Variants in MYO6 observed in about 807,000 individuals in gnomAD.
MYO6 encodes unconventional myosin-VI.
MYO6 carries 74 observed loss-of-function variants against 178.7 expected under a neutral mutation model. The observed-to-expected ratio is 0.41, with a 90% CI of 0.34 to 0.50. The LOEUF (loss-of-function observed/expected upper bound fraction) is 0.50. Among genes scored for constraint, MYO6 ranks in the 20% least tolerant of loss-of-function variants. MYO6 has a pLI of 0.09. For missense variants in MYO6, 1,330 were observed against 1,547.4 expected (o/e 0.86, Z 2.36); for synonymous variants, 477 against 504.6 (o/e 0.95, Z 0.73).
At position 75,892,518 on chromosome 6, in the gene MYO6, T is replaced by C. The variant is rs890276708; in HGVS notation, c.2947-12T>C. ...AAGAACTCTTGGTGAAATAGCTTTCTGCCCTTGTCAGGCTGAAGTGGAGGC... is the reference window on the plus strand; with the variant it reads ...AAGAACTCTTGGTGAAATAGCTTTCCGCCCTTGTCAGGCTGAAGTGGAGGC... On this transcript the variant is annotated splice_polypyrimidine_tract_variant and intron_variant, in intron 27 of 34. Transcript: ENST00000369977. 25 of 1,614,034 alleles carry C rather than the reference T, an allele frequency of 1.5e-5. No individual in the cohort carries two copies. The highest frequency in any genetic ancestry group is 2.1e-5 in the Non-Finnish European group (25 of 1,180,020).
intron 1 of MYO6, among the ~76,000 whole-genome samples, chr6:75,799,361 C>T (rs1446414105): frequency 1.3e-5 from 2 of 149,740 alleles, no homozygotes; most frequent in East Asian, 2.0e-4. Context: ...TTGCCTTCCA[C>T]CCCGGACGAC....
chr6:75,781,747 C>T (rs926234812), intron 1 of MYO6, among the ~76,000 whole-genome samples: 2 of 151,532 alleles, frequency 1.3e-5, no homozygotes, highest in South Asian at 4.2e-4. Flanking sequence ...ATGGTGAAAC[C>T]CTGTCTCTAC....
At chr6:75,886,677 C>T (rs554083222) in intron 24 of MYO6, among the ~76,000 whole-genome samples, 167 bp from the exon 25 acceptor site, 2 of 152,278 alleles carry the variant, frequency 1.3e-5, no homozygotes, top group East Asian at 1.9e-4. Flanking sequence ...GTGTCATTCA[C>T]ACTCATATTT....
At chr6:75,801,266 G>T (rs1477800048) in intron 1 of MYO6, among the ~76,000 whole-genome samples, 1 of 151,932 alleles carries the variant, frequency 6.6e-6, no homozygotes, top group East Asian at 1.9e-4. Context: ...TCTTCACAAG[G>T]TGCTTCACAG....
At position 75,915,056 on chromosome 6, in the gene MYO6, C is replaced by T. The variant is rs1265986139; in HGVS notation, c.*44C>T. ...ACAGCTGGGAGCCTTTGCCATGGTACTTAGGTAGGGTGTGTGCCCCCAGAT... is the reference window on the plus strand; with the variant it reads ...ACAGCTGGGAGCCTTTGCCATGGTATTTAGGTAGGGTGTGTGCCCCCAGAT... On this transcript the variant is annotated 3_prime_UTR_variant, in exon 35 of 35. Transcript: ENST00000369977. 3.8e-6 allele frequency: 6 copies of T among 1,559,102 alleles called. No homozygotes were observed. Among genetic ancestry groups the T allele is most frequent in the Admixed American group, 1.8e-5 (1 of 54,968 alleles).
At chr6:75,820,198 C>T (rs1027008717) in intron 2 of MYO6, among the ~76,000 whole-genome samples, 1 of 152,128 alleles carries the variant, frequency 6.6e-6, no homozygotes, top group African/African-American at 2.4e-5. Context: ...CTTTGCTGGT[C>T]TTCTGTTGTG....
intron 1 of MYO6, among the ~76,000 whole-genome samples, chr6:75,803,962 T>A (rs1450486862): frequency 1.3e-5 from 2 of 152,192 alleles, no homozygotes; most frequent in Non-Finnish European, 2.9e-5. Flanking sequence ...GGCACGATCA[T>A]GGCTCACTGC....
At chr6:75,811,060 C>T (rs1197593641) in intron 1 of MYO6, among the ~76,000 whole-genome samples, 2 of 149,000 alleles carry the variant, frequency 1.3e-5, no homozygotes, top group Non-Finnish European at 3.0e-5. Flanking sequence ...TGGTGTTTCT[C>T]ATTCCAGAGT....
intron 1 of MYO6, among the ~76,000 whole-genome samples, chr6:75,792,085 C>A (rs746062060): frequency 3.9e-5 from 6 of 152,090 alleles, no homozygotes; most frequent in Non-Finnish European, 4.4e-5. Context: ...AAATTTCCTG[C>A]CTGTTTTTGT....
At chr6:75,905,525 TC>T (rs1488943036) in intron 30 of MYO6, among the ~76,000 whole-genome samples, 1 of 152,236 alleles carries the variant, frequency 6.6e-6, no homozygotes, top group Non-Finnish European at 1.5e-5. Flanking sequence ...GAAAGGGAAC[TC>T]CCTGACCCCT....
chr6:75,883,700 G>C (rs972688181), intron 23 of MYO6, among the ~76,000 whole-genome samples: 3 of 152,112 alleles, frequency 2.0e-5, no homozygotes, highest in Admixed American at 6.6e-5. Flanking sequence ...GAACATTTTG[G>C]GGTTACCTAA....
intron 30 of MYO6, among the ~76,000 whole-genome samples, chr6:75,904,285 A>G (rs1443452767): frequency 6.7e-6 from 1 of 149,968 alleles, no homozygotes; most frequent in Non-Finnish European, 1.5e-5. Flanking sequence ...GCCTTGCTAG[A>G]TTGGGTAAGT....
intron 1 of MYO6, among the ~76,000 whole-genome samples, chr6:75,793,060 G>C (rs1768409608): frequency 6.6e-6 from 1 of 151,968 alleles, no homozygotes. Context: ...CCAAAGTGTT[G>C]GGATTATATG....
At position 75,870,695 on chromosome 6, in the gene MYO6, C is replaced by T. The variant is rs367986163; in HGVS notation, c.1983+10C>T. 11 of 1,608,642 alleles carry T rather than the reference C, an allele frequency of 6.8e-6. No homozygotes were observed. The highest frequency in any genetic ancestry group is 9.3e-6 in the Non-Finnish European group (11 of 1,176,644). On this transcript the variant is annotated intron_variant, in intron 19 of 34. Transcript: ENST00000369977. ...TAAACTTCGAAGTACTGTGAGTATG[C>T]TTAAAAAGAAAACAGGTTTTTATGG...
intron 32 of MYO6, among the ~76,000 whole-genome samples, chr6:75,910,369 A>C (rs1036023917): frequency 9.9e-5 from 15 of 152,184 alleles, no homozygotes; most frequent in Admixed American, 9.2e-4. Flanking sequence ...TGGCACACAC[A>C]TTTTAAATTA....
In MYO6 at chr6:75,828,596, A is replaced by G; in HGVS notation, c.244A>G (p.Ser82Gly). The change falls in exon 4 of 35, where the codon AGT becomes GGT. Residue 82 changes from serine to glycine, a missense_variant. This residue lies in a region of MYO6 where 116 missense variants were observed against 104.6 expected (regional missense o/e 1.11). Coordinates refer to ENST00000369977, the MANE Select transcript of MYO6 (RefSeq NM_004999.4). The stretch of plus-strand genomic sequence containing the variant: ...GCTCCATAATATCAAAGTTCGATAT[A>G]GTAAAGACAGAATTTATGTAAGTAT... ...TLLHNIKVRY[S>G]KDRIYTYVAN... 1 of 1,576,802 alleles carries G rather than the reference A, an allele frequency of 6.3e-7. No homozygotes were observed. The highest frequency in any genetic ancestry group is 8.7e-7 in the Non-Finnish European group (1 of 1,146,458).
At chr6:75,774,606 TA>T (rs1253385162) in intron 1 of MYO6, among the ~76,000 whole-genome samples, 1 of 152,122 alleles carries the variant, frequency 6.6e-6, no homozygotes, top group Non-Finnish European at 1.5e-5. Context: ...ATTGTCTTCT[TA>T]CCTTTAAAAA....
chr6:75,822,143 G>T (rs1771951939), intron 2 of MYO6, among the ~76,000 whole-genome samples: 1 of 151,168 alleles, frequency 6.6e-6, no homozygotes, highest in Non-Finnish European at 1.5e-5. Context: ...TGTCTTCCAG[G>T]GTGGAGTGCA....
At chr6:75,887,494 A>C (rs2149360460) in intron 25 of MYO6, among the ~76,000 whole-genome samples, 1 of 151,700 alleles carries the variant, frequency 6.6e-6, no homozygotes, top group East Asian at 1.9e-4. Flanking sequence ...ATACAAAACT[A>C]GCTGGGTGTG....
Sources: gnomAD v4.1 joint callset for allele counts (sites outside exome capture counted in the v4.1 genomes callset) on GRCh38, gnomAD v4.1.1 for gene constraint, gnomAD v4.1.1 regional missense constraint, MANE v1.5 for transcripts, NCBI Gene and HGNC (gene_info 2026-07-23, HGNC 2026-07-21) for gene names.